Variants in KANK2 observed in about 807,000 individuals in gnomAD.
KANK2 encodes the protein KN motif and ankyrin repeat domain-containing protein 2.
Under a neutral mutation model 74.6 loss-of-function variants are expected in KANK2, and 41 were observed. The observed-to-expected ratio is 0.55, with a 90% confidence interval of 0.43 to 0.71. The LOEUF (loss-of-function observed/expected upper bound fraction) is 0.71, where lower values mean the gene tolerates loss of function less well. KANK2 is among the 30% of genes least tolerant of loss of function. The pLI is 0.00. For missense variants in KANK2, 1,148 were observed against 1,196.4 expected (o/e 0.96, Z 0.60); for synonymous variants, 537 against 519.0 (o/e 1.03, Z -0.47).
intron 10 of KANK2, among the ~76,000 whole-genome samples, chr19:11,172,572 C>T (rs2078208248): frequency 6.6e-6 from 1 of 152,306 alleles, no homozygotes; most frequent in African/African-American, 2.4e-5. Flanking sequence ...CAGGCCACGC[C>T]ACTTCCCTGC....
In KANK2 at chr19:11,194,002, C is replaced by T; in HGVS notation, c.78G>A (p.Lys26=). 1.2e-6 allele frequency: 2 copies of T among 1,612,298 alleles called. No homozygotes were observed. The highest frequency in any genetic ancestry group is 1.7e-6 in the Non-Finnish European group (2 of 1,178,866). The part of the protein sequence containing the change: ...GPASPPAFPA[K]DPDPPYSVET... ...CCACGGAGTAGGGTGGATCGGGGTC[C>T]TTGGCAGGGAAGGCAGGTGGGGAGG... is the stretch of plus-strand genomic sequence containing the variant. Residue 26 remains lysine, a synonymous_variant, in exon 4 of 13, where the codon AAG becomes AAA. Transcript: ENST00000586659.
In KANK2 at chr19:11,174,580, C is replaced by T. The variant is rs199981469; in HGVS notation, c.1961G>A (p.Arg654Gln). The T allele has an allele frequency of 3.2e-4, 512 of 1,613,336 alleles. 2 individuals carry two copies. Among genetic ancestry groups the T allele is most frequent in the Middle Eastern group, 1.2e-3 (7 of 6,046 alleles). ...GATGTTGACCACGTAGTCCAGCAGC[C>T]GCGCAGACATGGCCCGGAACGTGAC... ...HLVTFRAMSA[R>Q]LLDYVVNIAD... Residue 654 changes from arginine (R) to glutamine (Q), a missense_variant, in exon 9 of 13, where the codon CGG (arginine) becomes CAG (glutamine). Coordinates refer to ENST00000586659, the MANE Select transcript of KANK2 (RefSeq NM_001136191.3).
In KANK2 at chr19:11,172,942, A is replaced by G. The variant is rs200538226; in HGVS notation, c.2211+39T>C. The G allele has an allele frequency of 2.5e-4, 405 of 1,600,646 alleles. 2 individuals are homozygous for G. The African/African-American group carries it at 4.9e-3, about 19-fold the overall frequency. On this transcript the variant is annotated intron_variant, in intron 10 of 12. Transcript: ENST00000586659. The stretch of plus-strand genomic sequence containing the variant: ...CTCAGCTGGGATGTCATAAAGTAGG[A>G]AGAGCCACCTGGATCTGCAGCAGCC...
At chr19:11,194,444 G>A (rs1175862364) in intron 3 of KANK2, 31 bp downstream of exon 3, 3 of 1,596,530 alleles carry the variant, frequency 1.9e-6, no homozygotes, top group South Asian at 2.2e-5. Context: ...AAGCTCCCCG[G>A]GGCAGGGCCC....
chr19:11,176,661 C>G lies in KANK2; in HGVS notation c.1677G>C (p.Arg559=), dbSNP rs1156882569. 1.2e-6 allele frequency: 2 copies of G among 1,613,566 alleles called. No individual in the cohort carries two copies. Among genetic ancestry groups the G allele is most frequent in the Non-Finnish European group, 1.7e-6 (2 of 1,179,882 alleles). The part of the protein sequence containing the change: ...PAGTAAAKTS[R]QECQLSRESQ... Reference sequence around the variant, plus strand: ...ATTCTCGAGACAGCTGACACTCCTGCCGGCTGGTCTTGGCCGCTGCCGTCC... The same window carrying G: ...ATTCTCGAGACAGCTGACACTCCTGGCGGCTGGTCTTGGCCGCTGCCGTCC... The change falls in exon 7 of 13, where the codon CGG becomes CGC. Residue 559 remains arginine (R), a synonymous_variant. Transcript: ENST00000586659.
chr19:11,170,830 A>AT lies in KANK2; in HGVS notation c.2212-583dup, dbSNP rs947722319. ...AATTGTTCCTTTAAAAGGGTTAATTATTTTTTTTTGGAGATGGCGTCTCGC... is the reference window on the plus strand; with the variant it reads ...AATTGTTCCTTTAAAAGGGTTAATTATTTTTTTTTTGGAGATGGCGTCTCGC... On this transcript the variant is annotated intron_variant, in intron 10 of 12. Transcript: ENST00000586659. The surrounding 1 kb of genome is among the most constrained non-coding windows in gnomAD (Gnocchi z 5.2). Among the ~76,000 whole-genome samples, 6 of 151,194 alleles carry AT rather than the reference A, an allele frequency of 4.0e-5. No homozygotes were observed. The highest frequency in any genetic ancestry group is 3.9e-4 in the East Asian group (2 of 5,154).
chr19:11,188,887 G>C (rs1046583249), intron 4 of KANK2, among the ~76,000 whole-genome samples: 2 of 151,826 alleles, frequency 1.3e-5, no homozygotes. Flanking sequence ...GGAAGGTGGA[G>C]GCAAGGAGAA....
chr19:11,182,561 A>AAAAAC (rs766300556), intron 4 of KANK2, among the ~76,000 whole-genome samples: 12 of 143,686 alleles, frequency 8.4e-5, no homozygotes, highest in African/African-American at 2.8e-4. Context: ...CAAAACAAAA[A>AAAAAC]AGCCAGGCGC....
chr19:11,178,370 G>A lies in KANK2; in HGVS notation c.1495C>T (p.Leu499Phe), dbSNP rs1489663316. 2.6e-6 allele frequency: 4 copies of A among 1,530,430 alleles called. No homozygotes were observed. The African/African-American group carries it at 4.3e-5, about 16-fold the overall frequency. 94.8% of individuals were successfully genotyped at this position (1,530,430 alleles called of 1,614,324 possible). The change falls in exon 6 of 13, where the codon CTC becomes TTC. Residue 499 changes from leucine (L) to phenylalanine (F), a missense_variant. Leu to Phe is a conservative substitution (Grantham distance 22, BLOSUM62 0). Transcript: ENST00000586659. ...VADPTAHRRS[L>F]QFVGVNGGYE... The stretch of plus-strand genomic sequence containing the variant: ...CCGCCGTTGACCCCCACGAACTGGA[G>A]GCTCCTCCGGTGGGCCGTGGGGTCT...
chr19:11,172,103 G>A (rs931310005), intron 10 of KANK2, among the ~76,000 whole-genome samples: 6 of 151,210 alleles, frequency 4.0e-5, no homozygotes, highest in African/African-American at 1.5e-4. Flanking sequence ...AGCCTCCCGA[G>A]TGGCTGGGAT....
rs776827092 is a variant in KANK2, at chr19:11,166,189, CAAT to C, written c.*366_*368del. The stretch of plus-strand genomic sequence containing the variant: ...CTAAGATTCCCACCCCCTCCTGCAA[CAAT>C]GATTCAAAAATACAATATTTTTTTC... On this transcript the variant is annotated 3_prime_UTR_variant, in exon 13 of 13. Coordinates refer to ENST00000586659, the MANE Select transcript of KANK2 (RefSeq NM_001136191.3). 2 of 187,812 alleles carry C rather than the reference CAAT, an allele frequency of 1.1e-5. No individual in the cohort carries two copies. Among genetic ancestry groups the C allele is most frequent in the Admixed American group, 6.0e-5 (1 of 16,760 alleles). 11.6% of individuals were successfully genotyped at this position (187,812 alleles called of 1,614,324 possible).
chr19:11,170,062 A>G lies in KANK2; in HGVS notation c.2398T>C (p.Ser800Pro). 1 of 1,613,672 alleles carries G rather than the reference A, an allele frequency of 6.2e-7. No homozygotes were observed. The highest frequency in any genetic ancestry group is 8.5e-7 in the Non-Finnish European group (1 of 1,179,684). Residue 800 changes from serine to proline, a missense_variant, in exon 11 of 13, where the codon TCA (serine) becomes CCA (proline). Transcript: ENST00000586659. This position sits in a 1 kb window ranked among gnomAD's most constrained non-coding sequence, Gnocchi z 5.2. Reference sequence around the variant, plus strand: ...TGGAGACTCACGCGATCTGTGAGTGAGATGTCACAGCTGGGCACGGCCAGC... The same window carrying G: ...TGGAGACTCACGCGATCTGTGAGTGGGATGTCACAGCTGGGCACGGCCAGC... Reference protein sequence around the residue: ...LLLAVPSCDISLTDRDGSTAL... With the variant: ...LLLAVPSCDIPLTDRDGSTAL...
Position 11,173,088 on chromosome 19 carries a change from A to G in KANK2, c.2104T>C (p.Tyr702His), listed in dbSNP as rs766932665. The G allele has an allele frequency of 4.3e-6, 7 of 1,614,108 alleles. No individual in the cohort carries two copies. The highest frequency in any genetic ancestry group is 2.2e-5 in the East Asian group (1 of 44,894). ...AGGGCGGTGAGCATAATAGGGCTGT[A>G]GCCAGCACGGTTCTGTTTGTCCACC... is the stretch of plus-strand genomic sequence containing the variant. ...CKVDKQNRAG[Y>H]SPIMLTALAT... is the part of the protein sequence containing the mutation. Residue 702 changes from tyrosine to histidine, a missense_variant, in exon 10 of 13, where the codon TAC becomes CAC. Tyr to His is a moderately conservative substitution (Grantham distance 83, BLOSUM62 2). Coordinates refer to ENST00000586659, the MANE Select transcript of KANK2 (RefSeq NM_001136191.3).
upstream of KANK2, chr19:11,197,591 G>C (rs913362252): frequency 1.3e-5 from 2 of 151,354 alleles, no homozygotes; most frequent in Admixed American, 6.6e-5. Flanking sequence ...CCCGCACCAC[G>C]CCCCCTCCGG....
chr19:11,180,206 G>A (rs2078474107), intron 4 of KANK2, among the ~76,000 whole-genome samples: 1 of 152,138 alleles, frequency 6.6e-6, no homozygotes, highest in South Asian at 2.1e-4. Context: ...TGTCCCCCGG[G>A]GCGCCAACTC....
Position 11,174,701 on chromosome 19 carries a change from G to T in KANK2, c.1849-9C>A. 6.3e-7 allele frequency: 1 copy of T among 1,587,220 alleles called. No homozygotes were observed. The highest frequency in any genetic ancestry group is 8.6e-7 in the Non-Finnish European group (1 of 1,166,196). ...GTGGTGTAGGCCACTTTCTGCATGC[G>T]AGTCAGGTGGGAGAGGATGTGAGGG... is the stretch of plus-strand genomic sequence containing the variant. On this transcript the variant is annotated splice_polypyrimidine_tract_variant and intron_variant, in intron 8 of 12. Transcript: ENST00000586659.
At chr19:11,189,672 C>G (rs2147583817) in intron 4 of KANK2, among the ~76,000 whole-genome samples, 1 of 147,404 alleles carries the variant, frequency 6.8e-6, no homozygotes, top group East Asian at 2.0e-4. Flanking sequence ...TCCAGCTTGG[C>G]TCAAGCAAGG....
At chr19:11,185,490 T>C (rs1360452266) in intron 4 of KANK2, among the ~76,000 whole-genome samples, 1 of 149,410 alleles carries the variant, frequency 6.7e-6, no homozygotes, top group African/African-American at 2.5e-5. Context: ...CCAAAATATA[T>C]TTTTAAAATC....
At position 11,174,555 on chromosome 19, in the gene KANK2, G is replaced by A. The variant is rs148849463; in HGVS notation, c.1986C>T (p.Ile662=). 4.6e-3 allele frequency: 7,386 copies of A among 1,613,598 alleles called. 24 individuals are homozygous for A. The highest frequency in any genetic ancestry group is 5.5e-3 in the Non-Finnish European group (6,487 of 1,179,846). ...SARLLDYVVN[I]ADSNGNTALH... is the part of the protein sequence containing the mutation. Reference sequence around the variant, plus strand: ...GGGCTGTGTTGCCGTTGCTGTCGGCGATGTTGACCACGTAGTCCAGCAGCC... The same window carrying A: ...GGGCTGTGTTGCCGTTGCTGTCGGCAATGTTGACCACGTAGTCCAGCAGCC... Residue 662 remains isoleucine (I), a synonymous_variant, in exon 9 of 13, where the codon ATC becomes ATT. Transcript: ENST00000586659.
Sources: allele counts gnomAD v4.1 joint callset (sites outside exome capture counted in the v4.1 genomes callset), GRCh38; gene constraint gnomAD v4.1.1; non-coding constraint Gnocchi (gnomAD v3.1); transcripts MANE v1.5; gene names NCBI Gene and HGNC (gene_info 2026-07-23, HGNC 2026-07-21).